Variants in TESC observed in about 807,000 individuals in gnomAD.
TESC encodes the protein tescalcin.
TESC carries 19 observed loss-of-function variants against 31.0 expected under a neutral mutation model. The observed-to-expected ratio is 0.61, with a 90% CI of 0.43 to 0.90. The LOEUF (loss-of-function observed/expected upper bound fraction) is 0.90. Ranked by LOEUF, TESC falls within the 40% of genes least tolerant of loss-of-function variation. TESC has a pLI of 0.00. For synonymous variants in TESC, 109 were observed against 114.8 expected (o/e 0.95, Z 0.32); for missense variants, 248 against 303.8 (o/e 0.82, Z 1.36).
At chr12:117,045,257 C>G (rs1029014259) in intron 6 of TESC, among the ~76,000 whole-genome samples, 2 of 152,230 alleles carry the variant, frequency 1.3e-5, no homozygotes, top group Non-Finnish European at 1.5e-5. Flanking sequence ...GCAGCGGGTA[C>G]GCCCCGGAGC....
At chr12:117,062,429 C>T (rs1051793722) in intron 2 of TESC, among the ~76,000 whole-genome samples, 1 of 152,148 alleles carries the variant, frequency 6.6e-6, no homozygotes, top group Non-Finnish European at 1.5e-5. Flanking sequence ...ACCATGTTGG[C>T]CAGGCTGGTC....
At chr12:117,055,899 A>C (rs1954715543) in intron 3 of TESC, among the ~76,000 whole-genome samples, 1 of 147,668 alleles carries the variant, frequency 6.8e-6, no homozygotes. Context: ...AATGCTTTCT[A>C]GTTTTCCTTT....
intron 1 of TESC, among the ~76,000 whole-genome samples, chr12:117,085,669 G>C (rs938212535): frequency 6.6e-6 from 1 of 152,102 alleles, no homozygotes; most frequent in African/African-American, 2.4e-5. Context: ...CCAAACACTG[G>C]GGAAATCCCG....
chr12:117,086,624 G>C (rs1411569700), intron 1 of TESC, among the ~76,000 whole-genome samples: 1 of 151,752 alleles, frequency 6.6e-6, no homozygotes, highest in African/African-American at 2.4e-5. Context: ...CTTTTGTAGA[G>C]ACAGGGTCTT....
intron 2 of TESC, among the ~76,000 whole-genome samples, chr12:117,058,451 T>C (rs971238358): frequency 6.6e-6 from 1 of 151,198 alleles, no homozygotes; most frequent in African/African-American, 2.4e-5. Flanking sequence ...ATGAATATGT[T>C]CTAATATTGA....
chr12:117,099,208 C>G lies in TESC; in HGVS notation c.58+17G>C. 6.8e-7 allele frequency: 1 copy of G among 1,480,982 alleles called. No individual in the cohort carries two copies. The highest frequency in any genetic ancestry group is 8.9e-7 in the Non-Finnish European group (1 of 1,123,386). The allele number at this position is 1,480,982 out of a possible 1,614,324, so 91.7% of individuals were successfully genotyped here. ...GGTCCCGCCCCGGTCCCCGCGCCGC[C>G]CCCCGCGGGTACTCACAGCCGGTCT... is the stretch of plus-strand genomic sequence containing the variant. On this transcript the variant is annotated intron_variant, in intron 1 of 7. Coordinates refer to ENST00000335209, the MANE Select transcript of TESC (RefSeq NM_017899.4).
At chr12:117,085,948 A>G (rs570882377) in intron 1 of TESC, among the ~76,000 whole-genome samples, 1 of 152,302 alleles carries the variant, frequency 6.6e-6, no homozygotes, top group South Asian at 2.1e-4. Context: ...GCAAAAACAA[A>G]ATGGGTATAT....
chr12:117,081,437 C>G (rs976971801), intron 1 of TESC, among the ~76,000 whole-genome samples: 1 of 152,120 alleles, frequency 6.6e-6, no homozygotes, highest in Non-Finnish European at 1.5e-5. Flanking sequence ...AATTACATTA[C>G]AGCTACTAGA....
chr12:117,041,579 C>T (rs1304877622), intron 7 of TESC, among the ~76,000 whole-genome samples: 2 of 152,136 alleles, frequency 1.3e-5, no homozygotes, highest in East Asian at 1.9e-4. Context: ...GTGATCTGCC[C>T]GCCTCAGCCT....
intron 2 of TESC, among the ~76,000 whole-genome samples, chr12:117,062,139 G>GTCT (rs1954807707): frequency 2.0e-5 from 3 of 152,086 alleles, no homozygotes; most frequent in African/African-American, 7.2e-5. Context: ...CCTCAAAATG[G>GTCT]AAGGAACTAT....
chr12:117,041,583 T>C (rs1432649710), intron 7 of TESC, among the ~76,000 whole-genome samples: 1 of 152,190 alleles, frequency 6.6e-6, no homozygotes, highest in Non-Finnish European at 1.5e-5. Flanking sequence ...TCTGCCCGCC[T>C]CAGCCTCCCA....
intron 3 of TESC, 39 bp from the exon 4 acceptor site, chr12:117,049,197 G>A: frequency 6.2e-7 from 1 of 1,613,332 alleles, no homozygotes; most frequent in South Asian, 1.1e-5. Context: ...AATAAATGAA[G>A]AACTGGATCT....
At chr12:117,075,907 A>ATGTGTGTGTGTGTGTG (rs1339057864) in intron 1 of TESC, among the ~76,000 whole-genome samples, 6 of 65,172 alleles carry the variant, frequency 9.2e-5, no homozygotes. Flanking sequence ...ATATATATAT[A>ATGTGTGTGTGTGTGTG]TATATATGTG....
intron 1 of TESC, among the ~76,000 whole-genome samples, chr12:117,093,310 G>A (rs114993632): frequency 2.4e-4 from 36 of 152,370 alleles, no homozygotes; most frequent in African/African-American, 7.5e-4. Context: ...GGGCGAGAAC[G>A]CAGTGGAGAA....
intron 2 of TESC, among the ~76,000 whole-genome samples, chr12:117,073,065 C>T (rs149103135): frequency 6.6e-6 from 1 of 152,310 alleles, no homozygotes; most frequent in East Asian, 1.9e-4. Context: ...TCCATATATG[C>T]CACCTCCCCG....
intron 6 of TESC, among the ~76,000 whole-genome samples, chr12:117,042,291 A>AG (rs1275499722): frequency 6.6e-6 from 1 of 151,324 alleles, no homozygotes; most frequent in Non-Finnish European, 1.5e-5. Context: ...CCCCTCCCCC[A>AG]GCCCCCCAGG....
At chr12:117,042,385 G>A (rs2135744286) in intron 6 of TESC, among the ~76,000 whole-genome samples, 1 of 152,148 alleles carries the variant, frequency 6.6e-6, no homozygotes, top group African/African-American at 2.4e-5. Context: ...CCCAGCAGCT[G>A]GACCACCAAG....
At chr12:117,053,448 C>T (rs543179618) in intron 3 of TESC, among the ~76,000 whole-genome samples, 1 of 152,312 alleles carries the variant, frequency 6.6e-6, no homozygotes, top group South Asian at 2.1e-4. Context: ...TGTCCAGGAT[C>T]GTGAGGCAGA....
chr12:117,075,985 A>ATATATATATGTATGTATATATATATATT (rs1555232422), intron 1 of TESC, among the ~76,000 whole-genome samples: 1 of 100,646 alleles, frequency 9.9e-6, no homozygotes, highest in Non-Finnish European at 1.9e-5. Flanking sequence ...ATATATATAT[A>ATATATATATGTATGTATATATATATATT]TTTTTTTTTT....
Sources: gnomAD v4.1 joint callset for allele counts (sites outside exome capture counted in the v4.1 genomes callset) on GRCh38, gnomAD v4.1.1 for gene constraint, MANE v1.5 for transcripts, NCBI Gene and HGNC (gene_info 2026-07-23, HGNC 2026-07-21) for gene names.